Variants in ARSG observed in about 807,000 individuals in gnomAD.
ARSG encodes ASG.
ARSG carries 37 observed loss-of-function variants against 50.5 expected under a neutral mutation model. The observed-to-expected ratio is 0.73, with a 90% CI of 0.56 to 0.96. The LOEUF is 0.96. Ranked by LOEUF, ARSG falls within the 50% of genes least tolerant of loss-of-function variation. The pLI is 0.00. For synonymous variants in ARSG, 225 were observed against 254.6 expected (o/e 0.88, Z 1.11); for missense variants, 629 against 675.3 (o/e 0.93, Z 0.76).
chr17:68,384,887 A>G (rs2080623617), intron 8 of ARSG, among the ~76,000 whole-genome samples, 177 bp from the exon 9 acceptor site: 2 of 152,262 alleles, frequency 1.3e-5, no homozygotes, highest in African/African-American at 4.8e-5. Flanking sequence ...TAAAATAAAA[A>G]GCATATTTTG....
intron 6 of ARSG, 127 bp downstream of exon 6, chr17:68,356,931 G>A: frequency 3.5e-6 from 4 of 1,139,674 alleles, no homozygotes; most frequent in Non-Finnish European, 5.0e-6. Context: ...AGAGATGGAT[G>A]CATACATGTC....
chr17:68,427,134 C>T, downstream of ARSG: 1 of 1,613,570 alleles, frequency 6.2e-7, no homozygotes, highest in Non-Finnish European at 8.5e-7. Flanking sequence ...TGTCCACCCA[C>T]CTGGCACCGT....
At chr17:68,353,045 A>G (rs1001561738) in intron 5 of ARSG, among the ~76,000 whole-genome samples, 2 of 152,236 alleles carry the variant, frequency 1.3e-5, no homozygotes, top group Admixed American at 1.3e-4. Flanking sequence ...AACAATAGTT[A>G]ATATAATAGT....
At chr17:68,269,006 G>A (rs1475152120) in intron 1 of ARSG, 1 of 1,566,798 alleles carries the variant, frequency 6.4e-7, no homozygotes, top group Non-Finnish European at 8.6e-7. Flanking sequence ...GTGGAGTAGA[G>A]GGGTTAGCTC....
intron 1 of ARSG, among the ~76,000 whole-genome samples, chr17:68,294,765 ACT>A (rs2145321994): frequency 6.6e-6 from 1 of 151,946 alleles, no homozygotes; most frequent in South Asian, 2.1e-4. Flanking sequence ...AACTTCACAC[ACT>A]CTGCCATCTA....
intron 1 of ARSG, among the ~76,000 whole-genome samples, chr17:68,304,877 T>G (rs1222541623): frequency 6.6e-6 from 1 of 152,186 alleles, no homozygotes; most frequent in African/African-American, 2.4e-5. Context: ...TTCCTCCTTA[T>G]TAAACTTGCA....
At position 68,367,808 on chromosome 17, in the gene ARSG, C is replaced by T. The variant is rs150871712; in HGVS notation, c.705-740C>T. Among the ~76,000 whole-genome samples, 19 of 152,310 alleles carry T rather than the reference C, an allele frequency of 1.2e-4. No individual in the cohort carries two copies. Among genetic ancestry groups the T allele is most frequent in the East Asian group, 3.9e-4 (2 of 5,182 alleles). ...AAGGCTGGCCAGGCACAGTGGCTCACGCCTGTAATCCCAGCACTTTGGGAG... is the reference window on the plus strand; with the variant it reads ...AAGGCTGGCCAGGCACAGTGGCTCATGCCTGTAATCCCAGCACTTTGGGAG... On this transcript the variant is annotated intron_variant, in intron 6 of 11. Transcript: ENST00000621439. This position sits in a 1 kb window ranked among gnomAD's most constrained non-coding sequence, Gnocchi z 4.5.
At chr17:68,412,913 C>T (rs1053436943) in intron 11 of ARSG, among the ~76,000 whole-genome samples, 5 of 151,926 alleles carry the variant, frequency 3.3e-5, no homozygotes, top group African/African-American at 9.7e-5. Context: ...TTGATCGCAC[C>T]GGCTCCTGAG....
intron 2 of ARSG, among the ~76,000 whole-genome samples, chr17:68,333,163 CA>C (rs1166280442): frequency 6.6e-6 from 1 of 151,736 alleles, no homozygotes; most frequent in Non-Finnish European, 1.5e-5. Flanking sequence ...ACAACAACAA[CA>C]ACAAAAAATT....
At chr17:68,322,475 G>A (rs2077327146) in intron 2 of ARSG, among the ~76,000 whole-genome samples, 1 of 152,106 alleles carries the variant, frequency 6.6e-6, no homozygotes, top group Admixed American at 6.6e-5. Context: ...AAATTAGCTG[G>A]GCATGGTGTT....
chr17:68,337,221 C>T (rs1280128415), intron 2 of ARSG, among the ~76,000 whole-genome samples: 3 of 152,060 alleles, frequency 2.0e-5, no homozygotes, highest in African/African-American at 7.2e-5. Context: ...GTTTAAGGTG[C>T]CAAGAAGAGA....
chr17:68,323,809 A>G (rs200033113), intron 2 of ARSG, among the ~76,000 whole-genome samples: 2 of 152,306 alleles, frequency 1.3e-5, no homozygotes, highest in East Asian at 3.9e-4. Context: ...GCTGTAGCTC[A>G]TGCCTGTAAT....
At chr17:68,302,535 A>T (rs1886209210) in intron 1 of ARSG, among the ~76,000 whole-genome samples, 1 of 152,116 alleles carries the variant, frequency 6.6e-6, no homozygotes, top group African/African-American at 2.4e-5. Flanking sequence ...TGCTCAGCAG[A>T]TCTTCAGGTT....
the ARSG span, chr17:68,450,703 A>C: frequency 6.3e-7 from 1 of 1,586,104 alleles, no homozygotes; most frequent in East Asian, 2.3e-5. Flanking sequence ...GAAGCTTTGA[A>C]ACCCTGAGGG....
chr17:68,359,168 G>A (rs1304107692), intron 6 of ARSG, among the ~76,000 whole-genome samples: 4 of 151,436 alleles, frequency 2.6e-5, no homozygotes, highest in Admixed American at 6.6e-5. Flanking sequence ...ATCTCAAAAC[G>A]ACAACAACAA....
intron 2 of ARSG, among the ~76,000 whole-genome samples, chr17:68,330,988 G>C (rs1032936204): frequency 6.9e-6 from 1 of 144,490 alleles, no homozygotes; most frequent in East Asian, 2.1e-4. Context: ...CGGGGGGGGG[G>C]GGAGGTGGTG....
downstream of ARSG, chr17:68,420,925 T>TTC (rs569158618): frequency 6.2e-6 from 1 of 162,040 alleles, no homozygotes; most frequent in African/African-American, 2.4e-5. Context: ...AGGGCAGAGC[T>TTC]TCTCTCTCTT....
chr17:68,274,970 G>A (rs1264588653), intron 1 of ARSG, among the ~76,000 whole-genome samples: 1 of 152,116 alleles, frequency 6.6e-6, no homozygotes, highest in South Asian at 2.1e-4. Context: ...AGTAGAGATG[G>A]GGTTTCTCCA....
Position 68,271,285 on chromosome 17 carries a change from T to G in ARSG, c.-552+11859T>G. On this transcript the variant is annotated intron_variant, in intron 1 of 11. Coordinates refer to the ARSG transcript ENST00000448504. The surrounding 1 kb of genome is among the most constrained non-coding windows in gnomAD (Gnocchi z 5.3). ...AAATAATGCATAACAAATAAAACTT[T>G]TCTCTTTCAAAATGGAGAAGTCTAA... 6.2e-7 allele frequency: 1 copy of G among 1,614,238 alleles called. No homozygotes were observed. Among genetic ancestry groups the G allele is most frequent in the South Asian group, 1.1e-5 (1 of 91,088 alleles).
Sources: gnomAD v4.1 joint callset for allele counts (sites outside exome capture counted in the v4.1 genomes callset) on GRCh38, gnomAD v4.1.1 for gene constraint, Gnocchi (gnomAD v3.1) non-coding constraint, MANE v1.5 for transcripts, NCBI Gene and HGNC (gene_info 2026-07-23, HGNC 2026-07-21) for gene names.